SLC9C1: variants seen among roughly 807,000 people sequenced by gnomAD.
The protein encoded by SLC9C1 is sodium/hydrogen exchanger 10.
SLC9C1 carries 97 observed loss-of-function variants against 140.9 expected under a neutral mutation model. The ratio of observed to expected loss-of-function variants is 0.69; its 90% CI spans 0.58 to 0.82. The LOEUF (loss-of-function observed/expected upper bound fraction) is 0.82. Ranked by LOEUF, SLC9C1 falls within the 40% of genes least tolerant of loss-of-function variation. SLC9C1 has a pLI of 0.00. For synonymous variants in SLC9C1, 440 were observed against 442.6 expected, an observed-to-expected ratio of 0.99 and a Z score of 0.07; for missense variants, 1,340 against 1,389.3, an observed-to-expected ratio of 0.96 and a Z score of 0.56.
intron 15 of SLC9C1, among the ~76,000 whole-genome samples, chr3:112,215,578 C>T (rs1208950794): frequency 1.3e-5 from 2 of 150,186 alleles, no homozygotes; most frequent in Non-Finnish European, 3.0e-5. Flanking sequence ...GACAAACAGC[C>T]AAATCATGAG....
At chr3:112,240,920 T>C (rs1465687009) in intron 11 of SLC9C1, among the ~76,000 whole-genome samples, 1 of 140,818 alleles carries the variant, frequency 7.1e-6, no homozygotes, top group Admixed American at 7.4e-5. Flanking sequence ...GATCTAAAAA[T>C]AAAAACAATT....
rs150647278 is a variant in SLC9C1, at chr3:112,169,013, T to G, written c.3101A>C (p.Asp1034Ala). Residue 1034 changes from aspartate to alanine, a missense_variant, in exon 25 of 29, where the codon GAT becomes GCT. By Grantham distance (126) the Asp-to-Ala change is moderately radical. Coordinates refer to ENST00000305815, the MANE Select transcript of SLC9C1 (RefSeq NM_183061.3). The stretch of plus-strand genomic sequence containing the variant: ...ATCAGTTTTGGTACTCATTGGTATA[T>G]CTACTACATAAATATTAGAGAGCTT... ...QLKLSNIYVV[D>A]IPMSTKTDIY... 102 of 1,604,558 alleles carry G rather than the reference T, an allele frequency of 6.4e-5. No individual in the cohort carries two copies. The Middle Eastern group carries it at 8.3e-4, about 13-fold the overall frequency.
chr3:112,233,943 G>A (rs1207260122), intron 12 of SLC9C1, among the ~76,000 whole-genome samples: 15 of 152,238 alleles, frequency 9.9e-5, no homozygotes, highest in East Asian at 1.9e-4. Flanking sequence ...GTAAACATAC[G>A]TGTGCATGTG....
chr3:112,238,668 T>C (rs1004780482), intron 12 of SLC9C1, among the ~76,000 whole-genome samples: 1 of 152,238 alleles, frequency 6.6e-6, no homozygotes, highest in African/African-American at 2.4e-5. Context: ...TTGTTTTTCC[T>C]TCTAACAGGC....
chr3:112,180,499 G>C, intron 22 of SLC9C1, 65 bp downstream of exon 22: 1 of 1,345,764 alleles, frequency 7.4e-7, no homozygotes, highest in Non-Finnish European at 1.0e-6. Flanking sequence ...CTCCAGCTTG[G>C]GCAACAAGAG....
At chr3:112,212,622 T>C (rs2078241154) in intron 15 of SLC9C1, among the ~76,000 whole-genome samples, 1 of 151,986 alleles carries the variant, frequency 6.6e-6, no homozygotes, top group Admixed American at 6.6e-5. Flanking sequence ...GAAGATCAAA[T>C]AAATGAAATG....
chr3:112,273,434 C>T (rs1269474871), intron 6 of SLC9C1, among the ~76,000 whole-genome samples: 1 of 152,088 alleles, frequency 6.6e-6, no homozygotes, highest in African/African-American at 2.4e-5. Context: ...CTTCCATGGG[C>T]TAGGTAAACT....
At chr3:112,292,566 C>T (rs928001879) in intron 1 of SLC9C1, among the ~76,000 whole-genome samples, 9 of 151,954 alleles carry the variant, frequency 5.9e-5, no homozygotes, top group East Asian at 1.9e-4. Flanking sequence ...TTTTTTGAGA[C>T]GGAGTCATGA....
intron 18 of SLC9C1, among the ~76,000 whole-genome samples, chr3:112,201,689 A>G (rs2077909814): frequency 6.6e-6 from 1 of 152,046 alleles, no homozygotes; most frequent in South Asian, 2.1e-4. Flanking sequence ...CTTTGGGCAC[A>G]ATCATTTAAC....
intron 20 of SLC9C1, among the ~76,000 whole-genome samples, chr3:112,190,570 T>G (rs1184462354): frequency 6.6e-6 from 1 of 152,210 alleles, no homozygotes; most frequent in Non-Finnish European, 1.5e-5. Context: ...TTGCCCATCA[T>G]TTCTGATTTA....
At chr3:112,263,517 A>AT (rs11454907) in intron 9 of SLC9C1, among the ~76,000 whole-genome samples, 89,272 of 151,070 alleles carry the variant, frequency 0.59, 26,847 homozygotes, top group East Asian at 0.79. Context: ...TATTGGCCAG[A>AT]TTTTTTTTTC....
intron 10 of SLC9C1, among the ~76,000 whole-genome samples, chr3:112,253,613 G>T (rs1182957140): frequency 6.6e-6 from 1 of 152,136 alleles, no homozygotes; most frequent in Admixed American, 6.5e-5. Context: ...ATTCAGAAAA[G>T]AAGTCTACTG....
At chr3:112,144,263 C>T (rs545255745) in intron 28 of SLC9C1, among the ~76,000 whole-genome samples, 19 of 150,338 alleles carry the variant, frequency 1.3e-4, no homozygotes, top group South Asian at 4.2e-4. Flanking sequence ...CTGCAACCTC[C>T]GCCTCCTGGG....
At position 112,244,059 on chromosome 3, in the gene SLC9C1, C is replaced by A. The variant is rs1188916463; in HGVS notation, c.1215G>T (p.Val405=). The change falls in exon 11 of 29, where the codon GTG becomes GTT. Residue 405 remains valine (V), a synonymous_variant. Coordinates refer to ENST00000305815, the MANE Select transcript of SLC9C1 (RefSeq NM_183061.3). ...CAACAAGGGTTATTAGGCATACTAACACTCCATGAAATAATATCTAGAATT... is the reference window on the plus strand; with the variant it reads ...CAACAAGGGTTATTAGGCATACTAAAACTCCATGAAATAATATCTAGAATT... ...KEKSQILFHG[V]LVCLITLVVN... is the part of the protein sequence containing the mutation. 3 of 1,600,926 alleles carry A rather than the reference C, an allele frequency of 1.9e-6. No homozygotes were observed. In the East Asian group the frequency reaches 6.7e-5, roughly 36 times the overall value.
intron 14 of SLC9C1, among the ~76,000 whole-genome samples, chr3:112,218,369 T>C (rs910481904): frequency 3.9e-5 from 6 of 152,130 alleles, no homozygotes; most frequent in Non-Finnish European, 8.8e-5. Context: ...TGGAAGGGCA[T>C]TGGAAACCCA....
chr3:112,218,561 C>T (rs541666765), intron 14 of SLC9C1, among the ~76,000 whole-genome samples: 2 of 152,158 alleles, frequency 1.3e-5, no homozygotes, highest in South Asian at 2.1e-4. Flanking sequence ...ATGTATATGA[C>T]TTGATTCATT....
intron 15 of SLC9C1, among the ~76,000 whole-genome samples, chr3:112,216,191 A>G (rs2108099920): frequency 6.6e-6 from 1 of 152,344 alleles, no homozygotes; most frequent in South Asian, 2.1e-4. Flanking sequence ...CTTACACCTT[A>G]TACAAAAATC....
At chr3:112,145,338 G>A (rs1013272815) in intron 28 of SLC9C1, among the ~76,000 whole-genome samples, 1 of 151,338 alleles carries the variant, frequency 6.6e-6, no homozygotes, top group Non-Finnish European at 1.5e-5. Context: ...ACTTTCTGAT[G>A]TGCTGCTGGA....
chr3:112,265,165 G>A lies in SLC9C1; in HGVS notation c.879-822C>T, dbSNP rs1337070213. Reference sequence around the variant, plus strand: ...TTTAGAAATCACTTCGAGGTTCAGAGAGATCACCTACTTCAATTGTAGGCT... The same window carrying A: ...TTTAGAAATCACTTCGAGGTTCAGAAAGATCACCTACTTCAATTGTAGGCT... On this transcript the variant is annotated intron_variant, in intron 8 of 28. Coordinates refer to ENST00000305815, the MANE Select transcript of SLC9C1 (RefSeq NM_183061.3). 2.0e-5 allele frequency among the ~76,000 whole-genome samples: 3 copies of A among 152,138 alleles called. No homozygotes were observed. The East Asian group carries it at 5.8e-4, about 29-fold the overall frequency.
Sources: gnomAD v4.1 joint callset for allele counts (sites outside exome capture counted in the v4.1 genomes callset) on GRCh38, gnomAD v4.1.1 for gene constraint, MANE v1.5 for transcripts, NCBI Gene and HGNC (gene_info 2026-07-23, HGNC 2026-07-21) for gene names.